ABCA9: variants seen among roughly 807,000 people sequenced by gnomAD.
ABCA9 encodes the protein ATP-binding cassette sub-family A member 9.
In ABCA9, 183 loss-of-function variants were observed where a neutral mutation model predicts 205.3. The observed-to-expected ratio is 0.89, with a 90% CI of 0.79 to 1.01. ABCA9 has a LOEUF of 1.01. Ranked by LOEUF, ABCA9 falls within the 50% of genes least tolerant of loss-of-function variation. The pLI is 0.00. For missense variants in ABCA9, 1,805 were observed against 1,912.4 expected (o/e 0.94, Z 1.05); for synonymous variants, 651 against 683.3 (o/e 0.95, Z 0.74).
At chr17:69,021,883 G>T in intron 17 of ABCA9, 22 bp from the exon 18 acceptor site, 1 of 1,371,968 alleles carries the variant, frequency 7.3e-7, no homozygotes, top group Non-Finnish European at 9.8e-7. Flanking sequence ...TACAAAAACA[G>T]ATTATAAGAA....
intron 5 of ABCA9, 54 bp downstream of exon 5, chr17:69,044,437 AATCACC>A: frequency 7.0e-7 from 1 of 1,421,834 alleles, no homozygotes; most frequent in Non-Finnish European, 9.8e-7. Flanking sequence ...TAATCCATTA[AATCACC>A]ATCCAGCAAA....
chr17:69,049,350 T>C lies in ABCA9; in HGVS notation c.237A>G (p.Ala79=). ...DSFNDTNYVI[A]FAPESKTTQE... ...GGGTAGTTTTGGATTCAGGTGCAAA[T>C]GCAATAACATAATTAGTATCATTAA... Residue 79 remains alanine, a synonymous_variant, in exon 3 of 39, where the codon GCA becomes GCG. Coordinates refer to ENST00000340001, the MANE Select transcript of ABCA9 (RefSeq NM_080283.4). The C allele has an allele frequency of 6.2e-7, 1 of 1,613,344 alleles. No individual in the cohort carries two copies. The highest frequency in any genetic ancestry group is 8.5e-7 in the Non-Finnish European group (1 of 1,179,568).
In ABCA9 at chr17:69,035,739, A is replaced by G. The variant is rs61744902; in HGVS notation, c.863T>C (p.Ile288Thr). 2,228 of 1,613,740 alleles carry G rather than the reference A, an allele frequency of 1.4e-3. 27 individuals are homozygous for G. In the African/African-American group the frequency reaches 0.026, roughly 19 times the overall value. ...ILIMATLMAL[I>T]VKSAQIVVLT... is the part of the protein sequence containing the mutation. Reference sequence around the variant, plus strand: ...GACGACAATTTGTGCAGATTTTACAATAAGAGCCATTAAAGTGGCCATGAT... The same window carrying G: ...GACGACAATTTGTGCAGATTTTACAGTAAGAGCCATTAAAGTGGCCATGAT... The change falls in exon 7 of 39, where the codon ATT becomes ACT. Residue 288 changes from isoleucine to threonine, a missense_variant. Physicochemically the swap from Ile to Thr is moderately conservative, Grantham distance 89. Transcript: ENST00000340001.
At chr17:69,057,985 C>T (rs2072120314) in intron 1 of ABCA9, among the ~76,000 whole-genome samples, 1 of 152,144 alleles carries the variant, frequency 6.6e-6, no homozygotes, top group Non-Finnish European at 1.5e-5. Context: ...CACCATTTTA[C>T]ATAATGGTGT....
intron 25 of ABCA9, among the ~76,000 whole-genome samples, chr17:69,004,032 A>C (rs921514990): frequency 2.6e-5 from 4 of 152,018 alleles, no homozygotes; most frequent in Non-Finnish European, 5.9e-5. Flanking sequence ...AATTTTTTTC[A>C]AAGTTTTCAA....
chr17:69,021,667 A>ATCTT (rs1210525295), intron 18 of ABCA9, 75 bp downstream of exon 18: 1 of 986,526 alleles, frequency 1.0e-6, no homozygotes, highest in African/African-American at 1.8e-5. Context: ...CAAAGATAAA[A>ATCTT]TCTTTCTTTC....
In ABCA9 at chr17:68,988,401, G is replaced by C. The variant is rs1268024784; in HGVS notation, c.4047+626C>G. On this transcript the variant is annotated intron_variant, in intron 31 of 38. Transcript: ENST00000340001. ...TTAAATCCTGGATCTTTTACCATTAGCCCAGAATCACCATTGTCCTTCAAG... is the reference window on the plus strand; with the variant it reads ...TTAAATCCTGGATCTTTTACCATTACCCCAGAATCACCATTGTCCTTCAAG... Among the ~76,000 whole-genome samples the C allele has an allele frequency of 4.0e-5, 6 of 151,724 alleles. No homozygotes were observed. The East Asian group carries it at 1.2e-3, about 29-fold the overall frequency.
At chr17:69,001,578 CTT>C (rs1240303202) in intron 25 of ABCA9, among the ~76,000 whole-genome samples, 1 of 151,586 alleles carries the variant, frequency 6.6e-6, no homozygotes, top group African/African-American at 2.4e-5. Flanking sequence ...CTAAAATTCT[CTT>C]TTTTGGTTGT....
At chr17:69,078,717 G>A in the ABCA9 span, 1 of 293,442 alleles carries the variant, frequency 3.4e-6, no homozygotes, top group Non-Finnish European at 6.2e-6. Context: ...AGTTTATATA[G>A]TTTTATTTCC....
chr17:69,033,707 C>T lies in ABCA9; in HGVS notation c.1276+19G>A, dbSNP rs2144378438. 1 of 1,563,084 alleles carries T rather than the reference C, an allele frequency of 6.4e-7. No homozygotes were observed. Among genetic ancestry groups the T allele is most frequent in the East Asian group, 2.3e-5 (1 of 44,092 alleles). ...CAATTATTGAAATTGTGTTAAATTACAGCCATGTTAGTACTTACCGGGCAA... is the reference window on the plus strand; with the variant it reads ...CAATTATTGAAATTGTGTTAAATTATAGCCATGTTAGTACTTACCGGGCAA... On this transcript the variant is annotated intron_variant, in intron 9 of 38. Coordinates refer to ENST00000340001, the MANE Select transcript of ABCA9 (RefSeq NM_080283.4).
rs189237949 is a variant in ABCA9 at position 68,986,160 on chromosome 17, G to A, written c.4208+4C>T. The A allele has an allele frequency of 1.5e-4, 234 of 1,604,646 alleles. No homozygotes were observed. The African/African-American group carries it at 2.9e-3, about 20-fold the overall frequency. ...AAAGGGGAGTGCCCCCCAGTCCCAG[G>A]TACCGTGTGATGGCGATCATTGCGT... On this transcript the variant is annotated splice_donor_region_variant and intron_variant, in intron 32 of 38. Transcript: ENST00000340001.
chr17:69,057,073 G>T (rs1361387776), intron 1 of ABCA9, among the ~76,000 whole-genome samples: 1 of 152,132 alleles, frequency 6.6e-6, no homozygotes, highest in African/African-American at 2.4e-5. Context: ...CTTTATTCTT[G>T]CAAAGTAGAT....
intron 9 of ABCA9, 164 bp downstream of exon 9, chr17:69,033,562 A>C: frequency 1.8e-6 from 1 of 542,340 alleles, no homozygotes; most frequent in Non-Finnish European, 3.2e-6. Flanking sequence ...TAGCAGAGCC[A>C]AGTCTTAGAA....
chr17:69,059,544 C>G (rs1318619989), intron 1 of ABCA9, among the ~76,000 whole-genome samples: 1 of 152,092 alleles, frequency 6.6e-6, no homozygotes, highest in African/African-American at 2.4e-5. Context: ...CCCTACAGCC[C>G]CCAGAAAGAG....
Position 69,018,647 on chromosome 17 carries a change from G to T in ABCA9, c.2601-68C>A, listed in dbSNP as rs2070718669. 14 of 1,172,142 alleles carry T rather than the reference G, an allele frequency of 1.2e-5. No homozygotes were observed. In the East Asian group the frequency reaches 3.1e-4, roughly 26 times the overall value. 72.6% of individuals were successfully genotyped at this position (1,172,142 alleles called of 1,614,324 possible). ...CTTTTGTGGGTTTTTAAGTTTGAAG[G>T]TATAATGAATATAATAACAGAAATA... On this transcript the variant is annotated intron_variant, in intron 19 of 38. Coordinates refer to ENST00000340001, the MANE Select transcript of ABCA9 (RefSeq NM_080283.4).
At position 68,975,805 on chromosome 17, in the gene ABCA9, G is replaced by C; in HGVS notation, c.*110C>G. ...ATACTACTGAGGATAATTATTGCATGAGTTTCAAATGCATTTTGTACCACC... is the reference window on the plus strand; with the variant it reads ...ATACTACTGAGGATAATTATTGCATCAGTTTCAAATGCATTTTGTACCACC... On this transcript the variant is annotated 3_prime_UTR_variant, in exon 39 of 39. Transcript: ENST00000340001. 1 of 814,876 alleles carries C rather than the reference G, an allele frequency of 1.2e-6. No homozygotes were observed. Among genetic ancestry groups the C allele is most frequent in the Non-Finnish European group, 2.0e-6 (1 of 505,568 alleles). 50.5% of individuals were successfully genotyped at this position (814,876 alleles called of 1,614,324 possible).
At chr17:69,045,089 G>A (rs2071666425) in intron 4 of ABCA9, 83 bp downstream of exon 4, 3 of 1,155,580 alleles carry the variant, frequency 2.6e-6, no homozygotes, top group Non-Finnish European at 3.7e-6. Context: ...TGTTTGTGTA[G>A]TTTCACCTCT....
At chr17:68,987,755 T>G (rs1482400603) in intron 31 of ABCA9, among the ~76,000 whole-genome samples, 1 of 87,608 alleles carries the variant, frequency 1.1e-5, no homozygotes, top group South Asian at 3.5e-4. Flanking sequence ...TGTTTGTTTG[T>G]TTGTTTGTTT....
At chr17:69,003,140 G>A (rs1164222522) in intron 25 of ABCA9, among the ~76,000 whole-genome samples, 1 of 151,476 alleles carries the variant, frequency 6.6e-6, no homozygotes, top group Non-Finnish European at 1.5e-5. Flanking sequence ...AGTGTTATGT[G>A]TGAATTTGGT....
Sources: gnomAD v4.1 joint callset for allele counts (sites outside exome capture counted in the v4.1 genomes callset) on GRCh38, gnomAD v4.1.1 for gene constraint, MANE v1.5 for transcripts, NCBI Gene and HGNC (gene_info 2026-07-23, HGNC 2026-07-21) for gene names.